The following TEX51 variants were observed in gnomAD, a reference collection of about 807,000 sequenced individuals.
TEX51 encodes testis expressed 51.
Under a neutral mutation model 8.0 loss-of-function variants are expected in TEX51, and 14 were observed. That is an observed-to-expected ratio of 1.76 (90% CI 1.16 to 2.75). The LOEUF is 2.75. Among genes scored for constraint, TEX51 ranks in the 30% most tolerant of loss-of-function variants. The pLI is 0.00. For synonymous variants in TEX51, 58 were observed against 28.6 expected, an observed-to-expected ratio of 2.03 and a Z score of -3.29; for missense variants, 142 against 77.4, an observed-to-expected ratio of 1.83 and a Z score of -3.13.
At chr2:126,901,642 C>T (rs1680337420) in intron 6 of TEX51, 2 of 599,886 alleles carry the variant, frequency 3.3e-6, no homozygotes, top group South Asian at 2.0e-5. Context: ...GGCCTCCCAT[C>T]CTCACTACAG....
Position 126,898,905 on chromosome 2 carries a change from G to A in TEX51, c.-14G>A, listed in dbSNP as rs1680162723. The A allele has an allele frequency of 1.4e-6, 1 of 696,640 alleles. No individual in the cohort carries two copies. Among genetic ancestry groups the A allele is most frequent in the Non-Finnish European group, 2.6e-6 (1 of 381,944 alleles). The allele number at this position is 696,640 out of a possible 1,614,324, so 43.2% of individuals were successfully genotyped here. A position where few individuals can be genotyped will look rare whatever the true frequency, so the allele number is the denominator to read the frequency against. On this transcript the variant is annotated 5_prime_UTR_variant, in exon 1 of 7. Transcript: ENST00000568484. ...CAGGCAGGGCACTGGGGCACAGTAG[G>A]AGGAACCCAGAAGATGCTGCCTCTC... is the stretch of plus-strand genomic sequence containing the variant.
At chr2:126,901,079 C>A in intron 4 of TEX51, 131 bp from the exon 5 acceptor site, 1 of 567,002 alleles carries the variant, frequency 1.8e-6, no homozygotes, top group Non-Finnish European at 3.1e-6. Context: ...GGGCGCACAG[C>A]GTGCTCAGTA....
rs1226751896 is a variant in TEX51 at position 126,900,033 on chromosome 2, AC to A, written c.394+17del. On this transcript the variant is annotated intron_variant, in intron 4 of 6. Coordinates refer to ENST00000568484, the MANE Select transcript of TEX51 (RefSeq NM_001322244.2). ...CTTTCTGCCCAGGTCAGTGGCCACC[AC>A]CCTGTCCAGCCTCTCCCCTCCCTGC... The A allele has an allele frequency of 1.4e-6, 1 of 699,618 alleles. No individual in the cohort carries two copies. The highest frequency in any genetic ancestry group is 2.6e-6 in the Non-Finnish European group (1 of 384,642). 43.3% of individuals were successfully genotyped at this position (699,618 alleles called of 1,614,324 possible).
intron 1 of TEX51, 43 bp downstream of exon 1, chr2:126,899,106 C>T (rs770942128): frequency 3.7e-5 from 26 of 701,124 alleles, no homozygotes; most frequent in South Asian, 3.3e-4. Flanking sequence ...TTTCTCAAAC[C>T]CTGGTACCTT....
intron 4 of TEX51, among the ~76,000 whole-genome samples, chr2:126,900,309 G>T (rs527440935): frequency 6.6e-6 from 1 of 151,356 alleles, no homozygotes; most frequent in South Asian, 2.1e-4. Flanking sequence ...CAGGAGAGTC[G>T]CTTGGACCCG....
chr2:126,901,159 A>T, intron 4 of TEX51, 51 bp from the exon 5 acceptor site: 2 of 606,482 alleles, frequency 3.3e-6, no homozygotes, highest in South Asian at 3.9e-5. Context: ...CTCTGAGTTG[A>T]GGTAGCCCTG....
At chr2:126,899,128 G>C (rs1283548491) in intron 1 of TEX51, 65 bp downstream of exon 1, 1 of 701,162 alleles carries the variant, frequency 1.4e-6, no homozygotes, top group Non-Finnish European at 2.6e-6. Context: ...GTGAGGCACA[G>C]CCAGGAGATC....
chr2:126,901,230 C>G lies in TEX51; in HGVS notation c.415C>G (p.Leu139Val). Residue 139 changes from leucine to valine, a missense_variant, in exon 5 of 7, where the codon CTG (leucine) becomes GTG (valine). Physicochemically the swap from Leu to Val is conservative, Grantham distance 32. Coordinates refer to ENST00000568484, the MANE Select transcript of TEX51 (RefSeq NM_001322244.2). ...CCCAGCCAGGAACCGGCGGACCTCC[C>G]TGTGGGCTGTGAGTCTCAGCAGTGC... ...FCPARNRRTS[L>V]WAVSLSSALL... The G allele has an allele frequency of 1.5e-6, 1 of 680,492 alleles. No homozygotes were observed. The highest frequency in any genetic ancestry group is 1.5e-5 in the South Asian group (1 of 64,864). The allele number at this position is 680,492 out of a possible 1,614,324, so 42.2% of individuals were successfully genotyped here. A position where few individuals can be genotyped will look rare whatever the true frequency, so the allele number is the denominator to read the frequency against.
rs1558747555 is a variant in TEX51 at position 126,901,374 on chromosome 2, T to A, written c.473T>A (p.Phe158Tyr). The change falls in exon 6 of 7, where the codon TTT becomes TAT. Residue 158 changes from phenylalanine (F) to tyrosine (Y), a missense_variant. Physicochemically the swap from Phe to Tyr is conservative, Grantham distance 22 (BLOSUM62 3). Transcript: ENST00000568484. ...CTGTTTCTTGGCCCAGATGTTTCTT[T>A]TACTGGCAAAGGAAGAAGGAGGCAG... ...LLLAIAGDVS[F>Y]TGKGRRRQ 1.4e-6 allele frequency: 1 copy of A among 702,146 alleles called. No individual in the cohort carries two copies. 43.5% of individuals were successfully genotyped at this position (702,146 alleles called of 1,614,324 possible).
intron 6 of TEX51, 71 bp downstream of exon 6, chr2:126,901,475 C>G (rs773814839): frequency 3.0e-5 from 21 of 697,198 alleles, no homozygotes; most frequent in Non-Finnish European, 5.0e-5. Context: ...CCCTGGGAGT[C>G]TCAGGGCCTG....
rs570877495 is a variant in TEX51 at position 126,900,462 on chromosome 2, C to T, written c.394+443C>T. Among the ~76,000 whole-genome samples, 4 of 151,968 alleles carry T rather than the reference C, an allele frequency of 2.6e-5. No individual in the cohort carries two copies. In the South Asian group the frequency reaches 8.4e-4, roughly 32 times the overall value. On this transcript the variant is annotated intron_variant, in intron 4 of 6. Coordinates refer to ENST00000568484, the MANE Select transcript of TEX51 (RefSeq NM_001322244.2). ...GCCCAATCCCATCAAACCCCCAAAC[C>T]TGTTCTTCCTCCAGGGCCGTTCTCA...
intron 4 of TEX51, 24 bp downstream of exon 4, chr2:126,900,043 G>A (rs1360251113): frequency 1.4e-6 from 1 of 700,450 alleles, no homozygotes; most frequent in African/African-American, 1.7e-5. Context: ...ACCCTGTCCA[G>A]CCTCTCCCCT....
intron 3 of TEX51, 112 bp downstream of exon 3, chr2:126,899,724 C>G: frequency 1.4e-6 from 1 of 698,878 alleles, no homozygotes; most frequent in South Asian, 1.5e-5. Context: ...GAGCCCCACC[C>G]CTCTCCATGA....
At chr2:126,900,992 G>C (rs951101980) in intron 4 of TEX51, among the ~76,000 whole-genome samples, 13 of 152,160 alleles carry the variant, frequency 8.5e-5, no homozygotes, top group African/African-American at 3.1e-4. Flanking sequence ...CATCCTCACT[G>C]TCACTTCCCC....
rs1680310452 is a variant in TEX51, at chr2:126,901,204, C to T, written c.395-6C>T. ...CAAACACCTGGCTTCCTCTTTCACACCCCAGCCAGGAACCGGCGGACCTCC... is the reference window on the plus strand; with the variant it reads ...CAAACACCTGGCTTCCTCTTTCACATCCCAGCCAGGAACCGGCGGACCTCC... On this transcript the variant is annotated splice_region_variant and splice_polypyrimidine_tract_variant and intron_variant, in intron 4 of 6. Coordinates refer to ENST00000568484, the MANE Select transcript of TEX51 (RefSeq NM_001322244.2). The T allele has an allele frequency of 1.6e-6, 1 of 643,424 alleles. No homozygotes were observed. Among genetic ancestry groups the T allele is most frequent in the African/African-American group, 1.8e-5 (1 of 55,952 alleles). 39.9% of individuals were successfully genotyped at this position (643,424 alleles called of 1,614,324 possible). A position where few individuals can be genotyped will look rare whatever the true frequency, so the allele number is the denominator to read the frequency against.
Position 126,899,228 on chromosome 2 carries a change from T to A in TEX51, c.157T>A (p.Leu53Met), listed in dbSNP as rs1553435114. The stretch of plus-strand genomic sequence containing the variant: ...TATCTCATCCTCAGATCGTGACCAT[T>A]TGGAAGAAGAAACAGCCAAATTCTT... The part of the protein sequence containing the change: ...PTELSQNRDH[L>M]EEETAKFFTQ... Residue 53 changes from leucine to methionine, a missense_variant, in exon 2 of 7, where the codon TTG becomes ATG. Coordinates refer to ENST00000568484, the MANE Select transcript of TEX51 (RefSeq NM_001322244.2). 1 of 702,052 alleles carries A rather than the reference T, an allele frequency of 1.4e-6. No homozygotes were observed. Among genetic ancestry groups the A allele is most frequent in the South Asian group, 1.5e-5 (1 of 67,586 alleles). The allele number at this position is 702,052 out of a possible 1,614,324, so 43.5% of individuals were successfully genotyped here.
Position 126,899,213 on chromosome 2 carries a change from T to C in TEX51, c.146-4T>C, listed in dbSNP as rs1680183714. 1.4e-6 allele frequency: 1 copy of C among 702,272 alleles called. No homozygotes were observed. The highest frequency in any genetic ancestry group is 2.6e-6 in the Non-Finnish European group (1 of 384,812). 43.5% of individuals were successfully genotyped at this position (702,272 alleles called of 1,614,324 possible). A position where few individuals can be genotyped will look rare whatever the true frequency, so the allele number is the denominator to read the frequency against. Reference sequence around the variant, plus strand: ...CTTCCCTTTGACCTGTATCTCATCCTCAGATCGTGACCATTTGGAAGAAGA... The same window carrying C: ...CTTCCCTTTGACCTGTATCTCATCCCCAGATCGTGACCATTTGGAAGAAGA... On this transcript the variant is annotated splice_region_variant and splice_polypyrimidine_tract_variant and intron_variant, in intron 1 of 6. Transcript: ENST00000568484.
intron 3 of TEX51, 61 bp from the exon 4 acceptor site, chr2:126,899,875 G>A: frequency 1.4e-6 from 1 of 702,204 alleles, no homozygotes; most frequent in Non-Finnish European, 2.6e-6. Context: ...TGGGGACTGG[G>A]CCTGGGGGAG....
intron 4 of TEX51, 66 bp from the exon 5 acceptor site, chr2:126,901,144 C>T (rs1181593867): frequency 1.7e-6 from 1 of 600,342 alleles, no homozygotes; most frequent in Non-Finnish European, 3.0e-6. Flanking sequence ...GGATGGTGGC[C>T]TTCTCTCTGA....
Sources: gnomAD v4.1 joint callset for allele counts (sites outside exome capture counted in the v4.1 genomes callset) on GRCh38, gnomAD v4.1.1 for gene constraint, MANE v1.5 for transcripts, NCBI Gene and HGNC (gene_info 2026-07-23, HGNC 2026-07-21) for gene names.